ARPP21: variants seen among roughly 807,000 people sequenced by gnomAD.
The protein encoded by ARPP21 is cAMP-regulated phosphoprotein 21.
In ARPP21, 69 loss-of-function variants were observed where a neutral mutation model predicts 113.2. That is an observed-to-expected ratio of 0.61 (90% CI 0.50 to 0.74). ARPP21 has a LOEUF of 0.74. ARPP21 is among the 30% of genes least tolerant of loss of function. The pLI, the probability that ARPP21 is intolerant of heterozygous loss-of-function variation, is 0.00. For synonymous variants in ARPP21, 368 were observed against 375.5 expected, an observed-to-expected ratio of 0.98 and a Z score of 0.23; for missense variants, 1,070 against 1,037.4, an observed-to-expected ratio of 1.03 and a Z score of -0.43.
At chr3:35,639,388 T>C (rs895259937), upstream of ARPP21, among the ~76,000 whole-genome samples, 43 of 151,802 alleles carry the variant, frequency 2.8e-4, no homozygotes, top group Admixed American at 1.3e-3. The surrounding 1 kb of genome is among the most constrained non-coding windows in gnomAD (Gnocchi z 5.0). Flanking sequence ...CCAGAGCAGC[T>C]GTGGAGCCAC....
chr3:35,737,367 G>T lies in ARPP21; in HGVS notation c.1644+5G>T. 4 of 1,596,134 alleles carry T rather than the reference G, an allele frequency of 2.5e-6. No homozygotes were observed. The highest frequency in any genetic ancestry group is 3.4e-6 in the Non-Finnish European group (4 of 1,168,050). ...GCAGGCCCTCTGGTCACTCAGGTAG[G>T]GGGCTGGTTGGAAGGCAGGGAAGGG... On this transcript the variant is annotated splice_donor_5th_base_variant and intron_variant, in intron 16 of 20. Coordinates refer to ENST00000684406, the MANE Select transcript of ARPP21 (RefSeq NM_001385562.1).
chr3:35,715,345 A>G (rs1208750093), intron 11 of ARPP21, 94 bp from the exon 12 acceptor site: 4 of 957,846 alleles, frequency 4.2e-6, no homozygotes, highest in South Asian at 2.8e-5. Flanking sequence ...CTTTTCCCCT[A>G]TGAGGGGAAA....
intron 4 of ARPP21, 32 bp downstream of exon 4, chr3:35,682,921 T>A: frequency 6.4e-7 from 1 of 1,550,828 alleles, no homozygotes; most frequent in Non-Finnish European, 8.8e-7. Flanking sequence ...GTAGACCTGA[T>A]ATCATGGGTA....
At chr3:35,749,314 C>CA (rs1262408464) in intron 19 of ARPP21, among the ~76,000 whole-genome samples, 1 of 146,112 alleles carries the variant, frequency 6.8e-6, no homozygotes, top group Non-Finnish European at 1.5e-5. Context: ...GAAAAGAAAA[C>CA]AAAAAAGAGT....
chr3:35,658,847 A>G (rs986352798), intron 1 of ARPP21, among the ~76,000 whole-genome samples: 7 of 152,084 alleles, frequency 4.6e-5, no homozygotes, highest in African/African-American at 1.2e-4. Context: ...CAGTGTGAGT[A>G]GTGAGAGATG....
intron 19 of ARPP21, among the ~76,000 whole-genome samples, chr3:35,769,076 G>A (rs140986691): frequency 3.6e-3 from 544 of 152,098 alleles, no homozygotes; most frequent in Non-Finnish European, 5.8e-3. Context: ...CTATACATAT[G>A]TGTATATTTA....
intron 1 of ARPP21, among the ~76,000 whole-genome samples, chr3:35,668,016 A>G (rs957475314): frequency 3.3e-5 from 5 of 150,408 alleles, no homozygotes; most frequent in Admixed American, 1.3e-4. Flanking sequence ...AAGAAGAAGA[A>G]GAAGAAGAAG....
intron 19 of ARPP21, among the ~76,000 whole-genome samples, chr3:35,786,994 A>C (rs1276442356): frequency 1.3e-5 from 2 of 152,200 alleles, no homozygotes; most frequent in East Asian, 3.9e-4. Flanking sequence ...TCAATAGATG[A>C]AGCTAGAAAA....
chr3:35,667,848 A>G (rs1371459063), intron 1 of ARPP21, among the ~76,000 whole-genome samples: 1 of 96,940 alleles, frequency 1.0e-5, no homozygotes, highest in Non-Finnish European at 1.8e-5. Context: ...CTCAAAGAAG[A>G]AGAAGAAGAA....
In ARPP21 at chr3:35,721,731, A is replaced by C. The variant is rs780517740; in HGVS notation, c.1122A>C (p.Leu374=). The C allele has an allele frequency of 1.9e-6, 3 of 1,613,818 alleles. No homozygotes were observed. The highest frequency in any genetic ancestry group is 2.5e-6 in the Non-Finnish European group (3 of 1,179,936). The change falls in exon 14 of 21, where the codon CTA becomes CTC. Residue 374 remains leucine, a synonymous_variant. Transcript: ENST00000684406. ...ACTCCGACAGTTCCAACCGCAATCT[A>C]AAGCCCGCCATGACCAAGACGGCGA... ...STDSDSSNRN[L]KPAMTKTASF...
intron 19 of ARPP21, among the ~76,000 whole-genome samples, chr3:35,748,268 G>A (rs1253176055): frequency 8.0e-6 from 1 of 125,444 alleles, no homozygotes; most frequent in Non-Finnish European, 1.6e-5. Context: ...AAAGGAGAGA[G>A]AGAAAGAAAG....
intron 5 of ARPP21, chr3:35,684,180 ATG>A: frequency 1.5e-6 from 2 of 1,365,868 alleles, no homozygotes; most frequent in Non-Finnish European, 9.5e-7. Context: ...CTTGTTGGAG[ATG>A]TCTTACCTCT....
chr3:35,744,010 T>C (rs1483730793), intron 19 of ARPP21, 45 bp downstream of exon 19: 1 of 1,610,788 alleles, frequency 6.2e-7, no homozygotes, highest in South Asian at 1.1e-5. Flanking sequence ...CCAGTTATTT[T>C]TGCTGGTGAA....
chr3:35,794,294 G>A lies in ARPP21; in HGVS notation c.*336G>A. 1 of 271,104 alleles carries A rather than the reference G, an allele frequency of 3.7e-6. No individual in the cohort carries two copies. The highest frequency in any genetic ancestry group is 7.0e-6 in the Non-Finnish European group (1 of 142,448). 16.8% of individuals were successfully genotyped at this position (271,104 alleles called of 1,614,324 possible). A position where few individuals can be genotyped will look rare whatever the true frequency, so the allele number is the denominator to read the frequency against. On this transcript the variant is annotated 3_prime_UTR_variant, in exon 21 of 21. Transcript: ENST00000684406. ...TTGTGTTGAGTTTGTGATGCTAAAA[G>A]TATTTAAAAATTATATACTAAATCA...
intron 19 of ARPP21, among the ~76,000 whole-genome samples, chr3:35,753,982 T>C (rs1308374284): frequency 7.0e-6 from 1 of 142,578 alleles, no homozygotes; most frequent in Admixed American, 7.0e-5. Flanking sequence ...TTTTTTTTTT[T>C]CAAATATCGC....
At chr3:35,727,640 A>C (rs1268860806) in intron 14 of ARPP21, among the ~76,000 whole-genome samples, 2 of 152,184 alleles carry the variant, frequency 1.3e-5, no homozygotes, top group African/African-American at 4.8e-5. Flanking sequence ...CATTTTTAAT[A>C]ACATAATCAA....
At chr3:35,707,803 C>T (rs1364948080) in intron 10 of ARPP21, among the ~76,000 whole-genome samples, 1 of 150,878 alleles carries the variant, frequency 6.6e-6, no homozygotes, top group African/African-American at 2.4e-5. Flanking sequence ...TTTAGATTGG[C>T]GGGGGGCTAT....
At chr3:35,701,466 C>T (rs553727104) in intron 9 of ARPP21, among the ~76,000 whole-genome samples, 2 of 151,712 alleles carry the variant, frequency 1.3e-5, no homozygotes, top group East Asian at 2.0e-4. Flanking sequence ...TAGGTGCTGT[C>T]GCCAACACCA....
chr3:35,652,440 C>A (rs569321097), intron 1 of ARPP21, among the ~76,000 whole-genome samples: 1 of 152,176 alleles, frequency 6.6e-6, no homozygotes, highest in South Asian at 2.1e-4. Flanking sequence ...TTCTAAAAAT[C>A]ACTGAAAACA....
Sources: allele counts gnomAD v4.1 joint callset (sites outside exome capture counted in the v4.1 genomes callset), GRCh38; gene constraint gnomAD v4.1.1; non-coding constraint Gnocchi (gnomAD v3.1); transcripts MANE v1.5; gene names NCBI Gene and HGNC (gene_info 2026-07-23, HGNC 2026-07-21).